The following LIN52 variants were observed in gnomAD, a reference collection of about 807,000 sequenced individuals.
LIN52 encodes protein lin-52 homolog.
LIN52 carries 4 observed loss-of-function variants against 18.5 expected under a neutral mutation model. The ratio of observed to expected loss-of-function variants is 0.22; its 90% confidence interval spans 0.11 to 0.49. The LOEUF (loss-of-function observed/expected upper bound fraction) is 0.49. LIN52 is among the 20% of genes least tolerant of loss of function. The pLI is 0.97. For synonymous variants in LIN52, 34 were observed against 45.5 expected (o/e 0.75, Z 1.02); for missense variants, 102 against 139.5 (o/e 0.73, Z 1.35).
chr14:74,143,099 G>A (rs1026385830), intron 5 of LIN52, among the ~76,000 whole-genome samples: 4 of 151,798 alleles, frequency 2.6e-5, no homozygotes, highest in Non-Finnish European at 5.9e-5. Flanking sequence ...TAGGACAAGC[G>A]GGATGTGCAT....
chr14:74,126,769 G>A (rs2061032098), intron 5 of LIN52, among the ~76,000 whole-genome samples: 1 of 152,142 alleles, frequency 6.6e-6, no homozygotes, highest in Admixed American at 6.5e-5. Flanking sequence ...TATGGATTTG[G>A]GATTTTTGTG....
Position 74,178,240 on chromosome 14 carries a change from G to A in LIN52, c.284-20682G>A, listed in dbSNP as rs960275171. ...TAACCTCAAAGACACATCATTGATT[G>A]TACAGATGAAGTGAATGTACCCAGC... On this transcript the variant is annotated intron_variant, in intron 5 of 5. Coordinates refer to ENST00000555028, the MANE Select transcript of LIN52 (RefSeq NM_001024674.3). 2.6e-5 allele frequency among the ~76,000 whole-genome samples: 4 copies of A among 152,142 alleles called. No individual in the cohort carries two copies. In the South Asian group the frequency reaches 8.3e-4, roughly 32 times the overall value.
intron 4 of LIN52, among the ~76,000 whole-genome samples, chr14:74,099,446 T>G (rs2060838542): frequency 6.6e-6 from 1 of 152,234 alleles, no homozygotes; most frequent in Non-Finnish European, 1.5e-5. Flanking sequence ...CATCAGCATG[T>G]ATTTCTTAAG....
intron 5 of LIN52, among the ~76,000 whole-genome samples, chr14:74,110,281 G>C (rs1407014789): frequency 6.6e-6 from 1 of 152,180 alleles, no homozygotes; most frequent in African/African-American, 2.4e-5. Context: ...AAAAGATTGA[G>C]AGGGATGCCA....
intron 5 of LIN52, among the ~76,000 whole-genome samples, chr14:74,105,715 A>G (rs1595154391): frequency 6.6e-6 from 1 of 152,282 alleles, no homozygotes; most frequent in Admixed American, 6.5e-5. Context: ...AAAAATAAGC[A>G]GTAGGAACTG....
chr14:74,105,744 G>T (rs1249706541), intron 5 of LIN52, among the ~76,000 whole-genome samples: 4 of 152,130 alleles, frequency 2.6e-5, no homozygotes, highest in African/African-American at 9.7e-5. Context: ...CCAAGGACCA[G>T]TGATCCTGTT....
rs567500992 is a variant in LIN52 at position 74,180,620 on chromosome 14, T to C, written c.284-18302T>C. On this transcript the variant is annotated intron_variant, in intron 5 of 5. Coordinates refer to ENST00000555028, the MANE Select transcript of LIN52 (RefSeq NM_001024674.3). ...TCTTTTGGTGTCTCATTATTTGCAA[T>C]TGTAAGAGCACATAATGGGCACACA... is the stretch of plus-strand genomic sequence containing the variant. Among the ~76,000 whole-genome samples the C allele has an allele frequency of 5.3e-5, 8 of 152,128 alleles. No homozygotes were observed. In the South Asian group the frequency reaches 1.7e-3, roughly 32 times the overall value.
At chr14:74,166,890 T>C (rs567966413) in intron 5 of LIN52, among the ~76,000 whole-genome samples, 1 of 152,330 alleles carries the variant, frequency 6.6e-6, no homozygotes, top group South Asian at 2.1e-4. Flanking sequence ...TGACATGACA[T>C]TGAATTGTAC....
intron 5 of LIN52, chr14:74,114,469 G>A: frequency 1.0e-6 from 1 of 969,584 alleles, no homozygotes; most frequent in Non-Finnish European, 1.2e-6. Flanking sequence ...TTTCAGATTT[G>A]GAATTTTTAG....
At chr14:74,194,456 C>CA (rs1419066610) in intron 5 of LIN52, among the ~76,000 whole-genome samples, 1 of 152,172 alleles carries the variant, frequency 6.6e-6, no homozygotes, top group Non-Finnish European at 1.5e-5. Flanking sequence ...CAAGTATACC[C>CA]AGGTATTTAC....
At chr14:74,137,838 T>C (rs1292197453) in intron 5 of LIN52, among the ~76,000 whole-genome samples, 2 of 152,136 alleles carry the variant, frequency 1.3e-5, no homozygotes, top group Non-Finnish European at 2.9e-5. Context: ...AGCTTTTTCC[T>C]GTGGTGAACA....
intron 5 of LIN52, among the ~76,000 whole-genome samples, chr14:74,191,435 C>T (rs2078875918): frequency 6.6e-6 from 1 of 152,114 alleles, no homozygotes; most frequent in African/African-American, 2.4e-5. Context: ...CAGCAGGTCC[C>T]TTTTGTCATA....
intron 1 of LIN52, among the ~76,000 whole-genome samples, chr14:74,089,364 G>T (rs1288003602): frequency 6.9e-6 from 1 of 144,510 alleles, no homozygotes; most frequent in Non-Finnish European, 1.5e-5. Context: ...TAAAGTTTAA[G>T]TGGGGATTTT....
At chr14:74,142,098 GA>G (rs1268571107) in intron 5 of LIN52, among the ~76,000 whole-genome samples, 1 of 152,162 alleles carries the variant, frequency 6.6e-6, no homozygotes, top group Non-Finnish European at 1.5e-5. Context: ...CAGTCAAACA[GA>G]AACTTAATTT....
intron 5 of LIN52, among the ~76,000 whole-genome samples, chr14:74,183,118 G>A (rs1284209054): frequency 7.1e-6 from 1 of 140,494 alleles, no homozygotes; most frequent in Admixed American, 7.3e-5. Flanking sequence ...TTTTTTTTTA[G>A]ACGGAGTCTC....
intron 5 of LIN52, among the ~76,000 whole-genome samples, chr14:74,156,091 T>A (rs1226494143): frequency 2.0e-5 from 3 of 152,216 alleles, no homozygotes; most frequent in African/African-American, 7.2e-5. Flanking sequence ...ACATTGATGT[T>A]TTAGATGCAA....
At chr14:74,153,571 AT>A (rs2139558001) in intron 5 of LIN52, among the ~76,000 whole-genome samples, 1 of 151,114 alleles carries the variant, frequency 6.6e-6, no homozygotes, top group African/African-American at 2.4e-5. Flanking sequence ...TTGAGACAGA[AT>A]TTCTCTCTGT....
At chr14:74,133,903 A>G (rs936445861) in intron 5 of LIN52, among the ~76,000 whole-genome samples, 2 of 152,228 alleles carry the variant, frequency 1.3e-5, no homozygotes, top group African/African-American at 4.8e-5. Flanking sequence ...AAATCAAGAT[A>G]GGAACAAGAA....
chr14:74,091,372 T>C, intron 2 of LIN52, 66 bp downstream of exon 2: 1 of 1,090,888 alleles, frequency 9.2e-7, no homozygotes, highest in Non-Finnish European at 1.3e-6. Context: ...TTAAAGAGAT[T>C]TTTAAAGAGT....
Sources: gnomAD v4.1 joint callset for allele counts (sites outside exome capture counted in the v4.1 genomes callset) on GRCh38, gnomAD v4.1.1 for gene constraint, MANE v1.5 for transcripts, NCBI Gene and HGNC (gene_info 2026-07-23, HGNC 2026-07-21) for gene names.